The following PDE10A variants were observed in gnomAD, a reference collection of about 807,000 sequenced individuals.
PDE10A encodes the protein cAMP and cAMP-inhibited cGMP 3',5'-cyclic phosphodiesterase 10A.
In PDE10A, 39 loss-of-function variants were observed where a neutral mutation model predicts 97.7. The ratio of observed to expected loss-of-function variants is 0.40; its 90% CI spans 0.31 to 0.52. The LOEUF (loss-of-function observed/expected upper bound fraction) is 0.52. Among genes scored for constraint, PDE10A ranks in the 20% least tolerant of loss-of-function variants. The pLI is 0.56. For synonymous variants in PDE10A, 371 were observed against 376.8 expected, an observed-to-expected ratio of 0.98 and a Z score of 0.18; for missense variants, 731 against 1,047.8, an observed-to-expected ratio of 0.70 and a Z score of 4.17.
intron 18 of PDE10A, among the ~76,000 whole-genome samples, chr6:165,347,751 G>A (rs1273389109): frequency 6.6e-6 from 1 of 152,108 alleles, no homozygotes; most frequent in Admixed American, 6.5e-5. Context: ...CCTGGCAGAG[G>A]GAGGCCTTTA....
At position 165,943,262 on chromosome 6, in the gene PDE10A, G is replaced by GAAAGAAAGAAA. The variant is rs1562809890; in HGVS notation, c.-615+44266_-615+44267insTTTCTTTCTTT. ...AGGAAGGAAGGAAGGAAGGAAGGAAGGAAGGAAGGAAGGAAAGAAAGAAAG... is the reference window on the plus strand; with the variant it reads ...AGGAAGGAAGGAAGGAAGGAAGGAAGAAAGAAAGAAAGAAGGAAGGAAGGAAAGAAAGAAAG... On this transcript the variant is annotated intron_variant, in intron 1 of 19. Transcript: ENST00000366882. 2.6e-3 allele frequency among the ~76,000 whole-genome samples: 206 copies of GAAAGAAAGAAA among 79,486 alleles called. 19 individuals carry two copies. Among genetic ancestry groups the GAAAGAAAGAAA allele is most frequent in the Middle Eastern group, 0.018 (3 of 168 alleles). 52.1% of individuals were successfully genotyped at this position (79,486 alleles called of 152,430 possible). A position where few individuals can be genotyped will look rare whatever the true frequency, so the allele number is the denominator to read the frequency against.
chr6:165,949,430 G>T (rs937848183), intron 1 of PDE10A: 1 of 152,184 alleles, frequency 6.6e-6, no homozygotes, highest in Non-Finnish European at 1.5e-5. Flanking sequence ...GTCGGATGAT[G>T]ACTGGGGTGA....
intron 1 of PDE10A, among the ~76,000 whole-genome samples, chr6:165,735,773 C>A (rs6921426): frequency 1.3e-5 from 2 of 152,166 alleles, no homozygotes; most frequent in Admixed American, 6.5e-5. Context: ...TCCAAAATCA[C>A]CCTCACAGAA....
chr6:165,357,144 A>G (rs1380562169), intron 18 of PDE10A, among the ~76,000 whole-genome samples: 2 of 152,172 alleles, frequency 1.3e-5, no homozygotes, highest in African/African-American at 4.8e-5. Flanking sequence ...TAATAATCAT[A>G]TGATGTCTCT....
At chr6:165,535,178 G>A (rs1296102849) in intron 2 of PDE10A, among the ~76,000 whole-genome samples, 28 of 151,728 alleles carry the variant, frequency 1.8e-4, no homozygotes, top group Non-Finnish European at 4.4e-5. Context: ...AATCGAGAAA[G>A]CAATCCCATT....
At chr6:165,506,398 T>G (rs1781194669) in intron 2 of PDE10A, among the ~76,000 whole-genome samples, 1 of 152,150 alleles carries the variant, frequency 6.6e-6, no homozygotes, top group Non-Finnish European at 1.5e-5. Context: ...CTCCCCACTT[T>G]AAAAATGTTG....
intron 1 of PDE10A, among the ~76,000 whole-genome samples, chr6:165,645,157 G>A (rs1245641215): frequency 6.6e-6 from 1 of 152,126 alleles, no homozygotes; most frequent in African/African-American, 2.4e-5. Flanking sequence ...CTTTCATCCA[G>A]CACCCCTGCC....
At chr6:165,684,039 C>T (rs1791049165) in intron 1 of PDE10A, among the ~76,000 whole-genome samples, 1 of 152,134 alleles carries the variant, frequency 6.6e-6, no homozygotes, top group Non-Finnish European at 1.5e-5. Flanking sequence ...TTCTCCTCCT[C>T]CTTCAGATTT....
At chr6:165,894,689 T>A (rs1471750227) in intron 1 of PDE10A, 1 of 356,398 alleles carries the variant, frequency 2.8e-6, no homozygotes, top group Admixed American at 3.7e-5. Context: ...TTCTTCTCAA[T>A]TCAGAGGGTC....
chr6:165,907,703 C>A (rs889883061), intron 1 of PDE10A, among the ~76,000 whole-genome samples: 3 of 152,224 alleles, frequency 2.0e-5, no homozygotes, highest in Admixed American at 6.5e-5. Flanking sequence ...GGAGCGGATG[C>A]CTCAGACCAG....
chr6:165,785,576 C>T (rs536033454), intron 1 of PDE10A, among the ~76,000 whole-genome samples: 1 of 152,284 alleles, frequency 6.6e-6, no homozygotes, highest in East Asian at 1.9e-4. Flanking sequence ...TTGTCATTAC[C>T]AAAATTTAAC....
At chr6:165,831,111 G>A (rs1270477271) in intron 1 of PDE10A, among the ~76,000 whole-genome samples, 2 of 152,140 alleles carry the variant, frequency 1.3e-5, no homozygotes, top group African/African-American at 4.8e-5. Context: ...CAGGCCGGGC[G>A]CGGTGGCTCA....
intron 5 of PDE10A, among the ~76,000 whole-genome samples, chr6:165,440,456 G>T (rs889548281): frequency 6.6e-6 from 1 of 152,146 alleles, no homozygotes; most frequent in African/African-American, 2.4e-5. Context: ...TAACAAAGGG[G>T]CAGGGGGAAG....
chr6:165,408,041 G>C (rs1327671863), intron 13 of PDE10A, among the ~76,000 whole-genome samples: 1 of 152,122 alleles, frequency 6.6e-6, no homozygotes, highest in African/African-American at 2.4e-5. Flanking sequence ...TTCTTAGATA[G>C]GCTCTTAATC....
chr6:165,558,104 T>G (rs9348013), intron 1 of PDE10A, among the ~76,000 whole-genome samples: 18,274 of 152,098 alleles, frequency 0.12, 2,173 homozygotes, highest in East Asian at 0.33. Flanking sequence ...CCATTACTGG[T>G]TATATACCCA....
chr6:165,694,563 G>C (rs1188909414), intron 1 of PDE10A, among the ~76,000 whole-genome samples: 1 of 152,222 alleles, frequency 6.6e-6, no homozygotes, highest in Non-Finnish European at 1.5e-5. Context: ...GGCGGTGTCG[G>C]GAGACCGGGA....
chr6:165,445,360 AG>A (rs1790768730), intron 5 of PDE10A, among the ~76,000 whole-genome samples: 1 of 152,242 alleles, frequency 6.6e-6, no homozygotes, highest in Non-Finnish European at 1.5e-5. Context: ...AAGTAAATAA[AG>A]GAACTGTGGG....
At chr6:165,397,411 A>G (rs1423565995) in intron 13 of PDE10A, among the ~76,000 whole-genome samples, 2 of 152,222 alleles carry the variant, frequency 1.3e-5, no homozygotes, top group East Asian at 1.9e-4. Context: ...TCCAGTCTAC[A>G]TAAAAATATA....
intron 3 of PDE10A, among the ~76,000 whole-genome samples, chr6:165,477,919 T>C (rs1779384135): frequency 1.3e-5 from 2 of 152,146 alleles, no homozygotes; most frequent in South Asian, 4.1e-4. Context: ...CTGCTGACTT[T>C]CCACATCTTC....
Sources: allele counts gnomAD v4.1 joint callset (sites outside exome capture counted in the v4.1 genomes callset), GRCh38; gene constraint gnomAD v4.1.1; transcripts MANE v1.5; gene names NCBI Gene and HGNC (gene_info 2026-07-23, HGNC 2026-07-21).